The following MARCHF10 variants were observed in gnomAD, a reference collection of about 807,000 sequenced individuals.
The protein encoded by MARCHF10 is probable E3 ubiquitin-protein ligase MARCHF10.
MARCHF10 carries 64 observed loss-of-function variants against 76.2 expected under a neutral mutation model. The observed-to-expected ratio is 0.84, with a 90% confidence interval of 0.69 to 1.03. The LOEUF (loss-of-function observed/expected upper bound fraction) is 1.03. MARCHF10 is among the 50% of genes least tolerant of loss of function. MARCHF10 has a pLI of 0.00. For missense variants in MARCHF10, 875 were observed against 958.0 expected (o/e 0.91, Z 1.14); for synonymous variants, 340 against 357.5 (o/e 0.95, Z 0.55).
chr17:62,780,658 C>A (rs2092641050), intron 3 of MARCHF10, among the ~76,000 whole-genome samples: 1 of 152,154 alleles, frequency 6.6e-6, no homozygotes, highest in Non-Finnish European at 1.5e-5. Flanking sequence ...ATTAGCAGAG[C>A]AAATGGTGCA....
intron 7 of MARCHF10, 60 bp downstream of exon 7, chr17:62,724,878 G>A (rs903677732): frequency 1.1e-5 from 17 of 1,584,500 alleles, no homozygotes; most frequent in Non-Finnish European, 1.3e-5. Flanking sequence ...GGCCCACACC[G>A]TGGTGCCTCA....
intron 10 of MARCHF10, chr17:62,705,103 A>C (rs1307448423): frequency 2.8e-6 from 3 of 1,082,466 alleles, no homozygotes; most frequent in Non-Finnish European, 3.4e-6. Flanking sequence ...CACCAAGGCC[A>C]CTAGCTTGTG....
At chr17:62,701,790 G>A (rs746270121) in intron 10 of MARCHF10, 32 bp from the exon 11 acceptor site, 1 of 1,613,630 alleles carries the variant, frequency 6.2e-7, no homozygotes, top group South Asian at 1.1e-5. Flanking sequence ...CAGGCTGGAG[G>A]GCCGCAGCAG....
chr17:62,753,062 T>A lies in MARCHF10; in HGVS notation c.382+6773A>T, dbSNP rs541468572. ...GGGCCTCAACTTTATATTTCCTAAT[T>A]TGTAGCCTGACCCTAAACCAGAAAC... On this transcript the variant is annotated intron_variant, in intron 4 of 10. Transcript: ENST00000311269. Among the ~76,000 whole-genome samples, 62 of 152,228 alleles carry A rather than the reference T, an allele frequency of 4.1e-4. 1 individual carries two copies. The South Asian group carries it at 5.6e-3, about 14-fold the overall frequency.
chr17:62,797,266 A>G (rs558722757), intron 2 of MARCHF10, among the ~76,000 whole-genome samples: 5 of 152,218 alleles, frequency 3.3e-5, no homozygotes, highest in Admixed American at 2.0e-4. Context: ...GTAGAGTGGC[A>G]CTATCTTGGC....
intron 2 of MARCHF10, among the ~76,000 whole-genome samples, chr17:62,792,017 G>A (rs1016223295): frequency 6.6e-6 from 1 of 152,064 alleles, no homozygotes; most frequent in African/African-American, 2.4e-5. Context: ...CTGATCATGT[G>A]GCAAAACTGG....
Position 62,701,326 on chromosome 17 carries a change from G to C in MARCHF10, c.*377C>G. 1 of 251,808 alleles carries C rather than the reference G, an allele frequency of 4.0e-6. No homozygotes were observed. The highest frequency in any genetic ancestry group is 6.6e-5 in the South Asian group (1 of 15,236). The allele number at this position is 251,808 out of a possible 1,614,324, so 15.6% of individuals were successfully genotyped here. A position where few individuals can be genotyped will look rare whatever the true frequency, so the allele number is the denominator to read the frequency against. ...ACATGAACGAAGCTGGGAGAATAAT[G>C]TCAGTTTACTGAATGAATACATGGC... On this transcript the variant is annotated 3_prime_UTR_variant, in exon 11 of 11. Coordinates refer to ENST00000311269, the MANE Select transcript of MARCHF10 (RefSeq NM_152598.4).
rs75712771 is a variant in MARCHF10 at position 62,746,657 on chromosome 17, G to A, written c.383-2129C>T. 6.7e-3 allele frequency among the ~76,000 whole-genome samples: 1,019 copies of A among 152,272 alleles called. 9 individuals are homozygous for A. The highest frequency in any genetic ancestry group is 0.023 in the African/African-American group (961 of 41,560). On this transcript the variant is annotated intron_variant, in intron 4 of 10. Transcript: ENST00000311269. ...GCTTTCCAACTCATGGAGAGAAGAG[G>A]AAGAAACAGAAGAAGGGCCAGGGAA...
At chr17:62,780,421 T>C (rs950199619) in intron 3 of MARCHF10, among the ~76,000 whole-genome samples, 6 of 152,188 alleles carry the variant, frequency 3.9e-5, no homozygotes, top group African/African-American at 7.2e-5. Flanking sequence ...AGTGTTTACG[T>C]TGGGTAACAG....
Position 62,742,822 on chromosome 17 carries a change from T to C in MARCHF10, c.535+1554A>G, listed in dbSNP as rs149459018. On this transcript the variant is annotated intron_variant, in intron 5 of 10. Coordinates refer to ENST00000311269, the MANE Select transcript of MARCHF10 (RefSeq NM_152598.4). ...AATTTATTTATTTTTTTTGGAGATA[T>C]GGGGTTTCACCATGTTGGCCAGGCT... is the stretch of plus-strand genomic sequence containing the variant. 8.1e-4 allele frequency among the ~76,000 whole-genome samples: 123 copies of C among 151,644 alleles called. 1 individual carries two copies. Among genetic ancestry groups the C allele is most frequent in the African/African-American group, 2.8e-3 (115 of 41,318 alleles).
At chr17:62,801,944 C>T (rs1415688150) in intron 1 of MARCHF10, among the ~76,000 whole-genome samples, 192 bp from the exon 2 acceptor site, 1 of 152,160 alleles carries the variant, frequency 6.6e-6, no homozygotes, top group African/African-American at 2.4e-5. Flanking sequence ...CCTCCTGTTC[C>T]AGGCATAAAT....
chr17:62,793,054 T>C, intron 2 of MARCHF10, among the ~76,000 whole-genome samples: 2 of 99,888 alleles, frequency 2.0e-5, no homozygotes, highest in Admixed American at 1.1e-4. Flanking sequence ...CACCAACGCC[T>C]CCATCACTAC....
intron 1 of MARCHF10, chr17:62,806,789 A>G (rs1257591393): frequency 1.3e-5 from 2 of 152,376 alleles, no homozygotes; most frequent in Admixed American, 6.5e-5. Context: ...ATCTGATTGC[A>G]GAATGTTTTT....
chr17:62,796,092 C>T, intron 2 of MARCHF10, among the ~76,000 whole-genome samples: 2 of 152,098 alleles, frequency 1.3e-5, no homozygotes, highest in Middle Eastern at 6.8e-3. Flanking sequence ...GCAACCTCCG[C>T]CTCCTGAGTT....
Position 62,801,696 on chromosome 17 carries a change from C to T in MARCHF10, c.40G>A (p.Asp14Asn), listed in dbSNP as rs144387362. Reference sequence around the variant, plus strand: ...TGCATGTCCCGCAGATACTGAACATCGCTGAAGAACTTCTGCCTGTCCCTT... The same window carrying T: ...TGCATGTCCCGCAGATACTGAACATTGCTGAAGAACTTCTGCCTGTCCCTT... The part of the protein sequence containing the change: ...DARDRQKFFS[D>N]VQYLRDMQHK... Residue 14 changes from aspartate (D) to asparagine (N), a missense_variant, in exon 2 of 11, where the codon GAT (aspartate) becomes AAT (asparagine). Transcript: ENST00000311269. 181 of 1,614,150 alleles carry T rather than the reference C, an allele frequency of 1.1e-4. No individual in the cohort carries two copies. The African/African-American group carries it at 1.9e-3, about 17-fold the overall frequency.
At position 62,717,331 on chromosome 17, in the gene MARCHF10, C is replaced by T. The variant is rs192665545; in HGVS notation, c.2214+5157G>A. Among the ~76,000 whole-genome samples the T allele has an allele frequency of 7.3e-4, 112 of 152,382 alleles. 1 individual carries two copies. In the East Asian group the frequency reaches 0.013, roughly 18 times the overall value. ...AGGGCGGGCCTGGCAGCCTAGCTGT[C>T]ACCTGGGATGATAATGCGGGCATTT... On this transcript the variant is annotated intron_variant, in intron 8 of 10. Coordinates refer to ENST00000311269, the MANE Select transcript of MARCHF10 (RefSeq NM_152598.4).
At chr17:62,773,731 A>G (rs148934829) in intron 3 of MARCHF10, among the ~76,000 whole-genome samples, 65 of 152,282 alleles carry the variant, frequency 4.3e-4, no homozygotes, top group African/African-American at 1.5e-3. Context: ...GCTGAGGGAC[A>G]CTATGGCGTG....
intron 5 of MARCHF10, among the ~76,000 whole-genome samples, chr17:62,742,784 G>A (rs992337699): frequency 1.3e-5 from 2 of 151,086 alleles, no homozygotes; most frequent in South Asian, 2.1e-4. Flanking sequence ...CTGCAGCCTC[G>A]ATGTCCTGAG....
chr17:62,766,112 C>G (rs563028357), intron 3 of MARCHF10, among the ~76,000 whole-genome samples: 40 of 152,120 alleles, frequency 2.6e-4, no homozygotes, highest in African/African-American at 9.2e-4. Context: ...AGAAGGATTG[C>G]CCACGCCTAG....
Sources: allele counts gnomAD v4.1 joint callset (sites outside exome capture counted in the v4.1 genomes callset), GRCh38; gene constraint gnomAD v4.1.1; transcripts MANE v1.5; gene names NCBI Gene and HGNC (gene_info 2026-07-23, HGNC 2026-07-21).